The following AP3D1 variants were observed in gnomAD, a reference collection of about 807,000 sequenced individuals.
AP3D1 encodes adaptor related protein complex 3 subunit delta 1, also known as AP-3 complex subunit delta-1.
A neutral mutation model predicts 147.6 loss-of-function variants in AP3D1; 51 were observed. That is an observed-to-expected ratio of 0.35 (90% CI 0.28 to 0.44). The LOEUF (loss-of-function observed/expected upper bound fraction) is 0.44, where lower values mean the gene tolerates loss of function less well. AP3D1 is among the 20% of genes least tolerant of loss of function. The pLI is 1.00. For synonymous variants in AP3D1, 760 were observed against 663.0 expected (o/e 1.15, Z -2.25); for missense variants, 1,421 against 1,624.2 (o/e 0.87, Z 2.15).
intron 9 of AP3D1, among the ~76,000 whole-genome samples, chr19:2,126,064 C>A (rs548270015): frequency 6.6e-6 from 1 of 150,974 alleles, no homozygotes; most frequent in African/African-American, 2.5e-5. Context: ...GAGGTCAAGG[C>A]TGCAGTGAGC....
At chr19:2,133,162 G>A (rs2018994036) in intron 4 of AP3D1, among the ~76,000 whole-genome samples, 1 of 152,178 alleles carries the variant, frequency 6.6e-6, no homozygotes, top group African/African-American at 2.4e-5. Flanking sequence ...AGCCCCACAG[G>A]ATGGGGTCCT....
intron 6 of AP3D1, 119 bp from the exon 7 acceptor site, chr19:2,129,576 C>A (rs2018878227): frequency 1.3e-5 from 16 of 1,259,146 alleles, no homozygotes; most frequent in East Asian, 2.5e-5. Flanking sequence ...GAACATGGCC[C>A]TGGCTCTGCC....
chr19:2,114,152 C>T lies in AP3D1; in HGVS notation c.2574G>A (p.Lys858=), dbSNP rs1401212039. The change falls in exon 22 of 32, where the codon AAG becomes AAA. Residue 858 remains lysine (K), a synonymous_variant. Transcript: ENST00000643116. ...EKKHKEKERD[K]EKKKEKEKKA... is the part of the protein sequence containing the mutation. ...TCTTCTCCTTCTCCTTCTTCTTCTC[C>T]TTGTCTCTCTCTTTCTCTTTGTGTT... 6.4e-7 allele frequency: 1 copy of T among 1,567,526 alleles called. No homozygotes were observed. The highest frequency in any genetic ancestry group is 1.9e-5 in the Admixed American group (1 of 52,258).
At chr19:2,151,183 G>A (rs960187471) in intron 1 of AP3D1, 56 bp downstream of exon 1, 1 of 1,535,550 alleles carries the variant, frequency 6.5e-7, no homozygotes, top group Non-Finnish European at 8.9e-7. Flanking sequence ...AGCAGGGCTG[G>A]GCCCTGGGCC....
chr19:2,110,252 T>C, intron 27 of AP3D1, 28 bp from the exon 28 acceptor site: 1 of 1,599,820 alleles, frequency 6.3e-7, no homozygotes, highest in Non-Finnish European at 8.5e-7. Flanking sequence ...GAGTGGGGCC[T>C]GAGACGCTGC....
chr19:2,115,177 A>G (rs1324213117), intron 20 of AP3D1, 42 bp downstream of exon 20: 1 of 1,582,872 alleles, frequency 6.3e-7, no homozygotes, highest in South Asian at 1.1e-5. Flanking sequence ...ACACATGCGG[A>G]AAGATAGACA....
chr19:2,136,189 A>T (rs754274026), intron 4 of AP3D1, among the ~76,000 whole-genome samples: 3 of 152,178 alleles, frequency 2.0e-5, no homozygotes, highest in Non-Finnish European at 2.9e-5. Context: ...CCTTGCCCAC[A>T]ACGGTGAGCC....
chr19:2,164,342 C>A, intron 1 of AP3D1: 1 of 1,051,082 alleles, frequency 9.5e-7, no homozygotes. Flanking sequence ...CAAACCCCCC[C>A]AAGCCGCGCT....
intron 4 of AP3D1, among the ~76,000 whole-genome samples, chr19:2,136,090 C>T (rs775279839): frequency 4.5e-4 from 69 of 151,972 alleles, no homozygotes; most frequent in Admixed American, 1.2e-3. Context: ...CCGCCCAGGT[C>T]CCTCCTGCTA....
At chr19:2,116,787 G>T in intron 16 of AP3D1, 41 bp from the exon 17 acceptor site, 2 of 1,559,092 alleles carry the variant, frequency 1.3e-6, no homozygotes, top group Non-Finnish European at 1.7e-6. Flanking sequence ...GTGTGTGACC[G>T]AGCACGCGCC....
Position 2,123,399 on chromosome 19 carries a change from A to C in AP3D1, c.914T>G (p.Val305Gly). The change falls in exon 11 of 32, where the codon GTT becomes GGT. Residue 305 changes from valine (V) to glycine (G), a missense_variant. Physicochemically the swap from Val to Gly is moderately radical, Grantham distance 109. Coordinates refer to ENST00000643116, the MANE Select transcript of AP3D1 (RefSeq NM_001261826.3). ...PNHSASIQLC[V>G]QKLRILIEDS... The stretch of plus-strand genomic sequence containing the variant: ...CTCGATCAATATCCTTAATTTCTGA[A>C]CACAAAGCTGAAAAGAAGAAAAAAA... The C allele has an allele frequency of 6.2e-7, 1 of 1,613,952 alleles. No homozygotes were observed. The highest frequency in any genetic ancestry group is 8.5e-7 in the Non-Finnish European group (1 of 1,179,984).
rs758024415 is a variant in AP3D1 at position 2,118,822 on chromosome 19, C to G, written c.1492G>C (p.Glu498Gln). The G allele has an allele frequency of 6.2e-7, 1 of 1,613,176 alleles. No homozygotes were observed. The highest frequency in any genetic ancestry group is 8.5e-7 in the Non-Finnish European group (1 of 1,179,806). The change falls in exon 15 of 32, where the codon GAA (glutamate) becomes CAA (glutamine). Residue 498 changes from glutamate to glutamine, a missense_variant. Physicochemically the swap from Glu to Gln is conservative, Grantham distance 29. Around this residue, in one of 6 missense-constraint regions of AP3D1, gnomAD observed 310 missense variants for 388.1 expected, o/e 0.80. Coordinates refer to ENST00000643116, the MANE Select transcript of AP3D1 (RefSeq NM_001261826.3). ...ICGEFSEHLQ[E>Q]PHHTLEAMLR... Reference sequence around the variant, plus strand: ...ATGGCCTCCAAAGTGTGGTGTGGTTCCTGCAGATGCCTGAGGACAGGAAAC... The same window carrying G: ...ATGGCCTCCAAAGTGTGGTGTGGTTGCTGCAGATGCCTGAGGACAGGAAAC...
chr19:2,111,992 GC>G (rs2018295343), intron 24 of AP3D1, 164 bp from the exon 25 acceptor site: 1 of 1,117,684 alleles, frequency 8.9e-7, no homozygotes. Context: ...ACAAGCTCAG[GC>G]CAGACCAGGC....
chr19:2,161,912 T>C (rs887759349), intron 1 of AP3D1, among the ~76,000 whole-genome samples: 2 of 151,658 alleles, frequency 1.3e-5, no homozygotes, highest in African/African-American at 4.8e-5. Context: ...TCCCAGTCAC[T>C]ACTCCAGCCT....
rs771714418 is a variant in AP3D1 at position 2,121,096 on chromosome 19, T to C, written c.1251-4A>G. 1 of 1,613,760 alleles carries C rather than the reference T, an allele frequency of 6.2e-7. No homozygotes were observed. The highest frequency in any genetic ancestry group is 8.5e-7 in the Non-Finnish European group (1 of 1,179,902). ...CTCCACCAGGATGCTGATGTACCTG[T>C]GGGGCAGAGGCGGTGAGTGAGCGGC... On this transcript the variant is annotated splice_polypyrimidine_tract_variant and splice_region_variant and intron_variant, in intron 13 of 31. Transcript: ENST00000643116.
At chr19:2,123,054 G>A (rs1239149891) in intron 11 of AP3D1, among the ~76,000 whole-genome samples, 1 of 152,246 alleles carries the variant, frequency 6.6e-6, no homozygotes, top group African/African-American at 2.4e-5. Context: ...AAGGTGCTCA[G>A]TGAGTGGCAT....
chr19:2,116,369 T>A (rs1033772155), intron 17 of AP3D1, 91 bp from the exon 18 acceptor site: 1 of 1,406,380 alleles, frequency 7.1e-7, no homozygotes, highest in Non-Finnish European at 9.6e-7. Flanking sequence ...TGGGGAAGGC[T>A]GGATCTCTGG....
chr19:2,134,163 T>C (rs1316978690), intron 4 of AP3D1, among the ~76,000 whole-genome samples: 1 of 152,014 alleles, frequency 6.6e-6, no homozygotes, highest in African/African-American at 2.4e-5. Context: ...CTTCTAATCC[T>C]ACCACTTTGG....
In AP3D1 at chr19:2,112,932, C is replaced by G; in HGVS notation, c.2715G>C (p.Lys905Asn). The part of the protein sequence containing the change: ...ELSVNTVTTP[K>N]DECEDAKTEA... The stretch of plus-strand genomic sequence containing the variant: ...CCGTCTTGGCGTCCTCACACTCGTC[C>G]TTCGGGGTAGTGACAGTGTTCACAC... The change falls in exon 24 of 32, where the codon AAG becomes AAC. Residue 905 changes from lysine to asparagine, a missense_variant. Around this residue, in one of 6 missense-constraint regions of AP3D1, gnomAD observed 791 missense variants for 761.4 expected, o/e 1.04. Transcript: ENST00000643116. 6.2e-7 allele frequency: 1 copy of G among 1,613,220 alleles called. No individual in the cohort carries two copies. Among genetic ancestry groups the G allele is most frequent in the Non-Finnish European group, 8.5e-7 (1 of 1,179,710 alleles).
Sources: gnomAD v4.1 joint callset for allele counts (sites outside exome capture counted in the v4.1 genomes callset) on GRCh38, gnomAD v4.1.1 for gene constraint, gnomAD v4.1.1 regional missense constraint, MANE v1.5 for transcripts, NCBI Gene and HGNC (gene_info 2026-07-23, HGNC 2026-07-21) for gene names.